Variants in CUX1 observed in about 807,000 individuals in gnomAD.
CUX1 encodes protein CASP.
CUX1 carries 31 observed loss-of-function variants against 158.8 expected under a neutral mutation model. The ratio of observed to expected loss-of-function variants is 0.20; its 90% CI spans 0.15 to 0.26. The LOEUF (loss-of-function observed/expected upper bound fraction) is 0.26, where lower values mean the gene tolerates loss of function less well. Ranked by LOEUF, CUX1 falls within the 10% of genes least tolerant of loss-of-function variation. CUX1 has a pLI of 1.00. For missense variants in CUX1, 1,589 were observed against 2,014.6 expected (o/e 0.79, Z 4.04); for synonymous variants, 879 against 862.1 (o/e 1.02, Z -0.34).
intron 1 of CUX1, among the ~76,000 whole-genome samples, chr7:101,835,836 A>G (rs1327464423): frequency 6.6e-6 from 1 of 152,164 alleles, no homozygotes; most frequent in Non-Finnish European, 1.5e-5. Context: ...CCCGGGTTCA[A>G]GCGATTCTCC....
At chr7:101,904,664 G>A (rs545467591) in intron 1 of CUX1, among the ~76,000 whole-genome samples, 1 of 151,488 alleles carries the variant, frequency 6.6e-6, no homozygotes, top group African/African-American at 2.4e-5. Context: ...TGCCTCCCGG[G>A]TTCAAGCGAT....
At chr7:101,980,165 C>A (rs940783095) in intron 2 of CUX1, among the ~76,000 whole-genome samples, 1 of 152,130 alleles carries the variant, frequency 6.6e-6, no homozygotes, top group African/African-American at 2.4e-5. Flanking sequence ...TTATTCTCAA[C>A]AGAGGGTCCC....
intron 8 of CUX1, among the ~76,000 whole-genome samples, chr7:102,132,332 G>C (rs1298871689): frequency 6.8e-6 from 1 of 146,306 alleles, no homozygotes; most frequent in Non-Finnish European, 1.5e-5. Flanking sequence ...CGCACGCCAC[G>C]CACACACGCA....
chr7:102,150,281 G>A (rs980717969), intron 8 of CUX1, among the ~76,000 whole-genome samples: 9 of 151,996 alleles, frequency 5.9e-5, no homozygotes, highest in South Asian at 2.1e-4. Context: ...TCAGCCTCCC[G>A]AGTAGCTGGG....
chr7:102,080,149 C>T (rs781916305), intron 4 of CUX1, among the ~76,000 whole-genome samples: 5 of 152,302 alleles, frequency 3.3e-5, no homozygotes, highest in Non-Finnish European at 5.9e-5. Flanking sequence ...CAAGGCTTTC[C>T]CTTCTCCATC....
intron 1 of CUX1, among the ~76,000 whole-genome samples, chr7:101,825,471 A>T (rs1423245077): frequency 2.6e-5 from 4 of 152,014 alleles, no homozygotes; most frequent in Non-Finnish European, 5.9e-5. Flanking sequence ...GCCCTTGGAG[A>T]GCTGTGCTGC....
chr7:102,262,257 A>G (rs1174812829), downstream of CUX1, among the ~76,000 whole-genome samples: 7 of 152,190 alleles, frequency 4.6e-5, no homozygotes, highest in African/African-American at 1.7e-4. Flanking sequence ...CAAAAAAATT[A>G]GCCAGGCGTG....
intron 2 of CUX1, among the ~76,000 whole-genome samples, chr7:102,015,671 G>A (rs1818502610): frequency 6.6e-6 from 1 of 152,200 alleles, no homozygotes; most frequent in South Asian, 2.1e-4. Flanking sequence ...TTGTTACCAT[G>A]TTGGGATCAG....
chr7:101,937,262 A>G (rs1807056980), intron 2 of CUX1, among the ~76,000 whole-genome samples: 1 of 152,136 alleles, frequency 6.6e-6, no homozygotes. Context: ...TAGCTCCTGG[A>G]GGGGCTCAGG....
At chr7:102,011,871 C>CT (rs1467982262) in intron 2 of CUX1, among the ~76,000 whole-genome samples, 1 of 152,008 alleles carries the variant, frequency 6.6e-6, no homozygotes, top group African/African-American at 2.4e-5. Context: ...GTCACCCAGG[C>CT]TGGAGTGCAA....
At chr7:102,193,954 T>C (rs1794537778) in intron 13 of CUX1, 64 bp downstream of exon 13, 46 of 1,472,772 alleles carry the variant, frequency 3.1e-5, no homozygotes, top group Non-Finnish European at 4.3e-5. Context: ...CACTGGTCCC[T>C]CCGGCATATC....
intron 1 of CUX1, among the ~76,000 whole-genome samples, chr7:101,909,747 G>GT (rs1803205279): frequency 6.6e-6 from 1 of 152,196 alleles, no homozygotes; most frequent in African/African-American, 2.4e-5. Context: ...GCCCAAGTAT[G>GT]TTTTTCCCAC....
At position 102,201,596 on chromosome 7, in the gene CUX1, C is replaced by A. The variant is rs1391571891; in HGVS notation, c.2299C>A (p.Pro767Thr). The stretch of plus-strand genomic sequence containing the variant: ...ACCTCTCGCCATCTCCCTGAAGAAG[C>A]CCTCCGCAGCTCCTGAGGCCGGTGC... Reference protein sequence around the residue: ...YPPLAISLKKPSAAPEAGASA... With the variant: ...YPPLAISLKKTSAAPEAGASA... The change falls in exon 18 of 24, where the codon CCC becomes ACC. Residue 767 changes from proline (P) to threonine (T), a missense_variant. Physicochemically the swap from Pro to Thr is conservative, Grantham distance 38. This residue lies in a region of CUX1 where 337 missense variants were observed against 409.3 expected (regional missense o/e 0.82). Transcript: ENST00000292535. This position sits in a 1 kb window ranked among gnomAD's most constrained non-coding sequence, Gnocchi z 5.0. 1 of 1,613,976 alleles carries A rather than the reference C, an allele frequency of 6.2e-7. No individual in the cohort carries two copies. The highest frequency in any genetic ancestry group is 8.5e-7 in the Non-Finnish European group (1 of 1,180,016).
chr7:102,079,774 A>G (rs538730215), intron 4 of CUX1, among the ~76,000 whole-genome samples: 1 of 152,316 alleles, frequency 6.6e-6, no homozygotes, highest in African/African-American at 2.4e-5. Flanking sequence ...AAAACAGGAC[A>G]GAAAGAGGAA....
At chr7:102,148,337 G>A (rs1023007342) in intron 8 of CUX1, among the ~76,000 whole-genome samples, 3 of 152,090 alleles carry the variant, frequency 2.0e-5, no homozygotes, top group Admixed American at 6.6e-5. Flanking sequence ...TCAAGAGTTC[G>A]AGATCAGCCT....
chr7:101,910,362 T>G (rs1384725462), intron 1 of CUX1, among the ~76,000 whole-genome samples: 2 of 151,852 alleles, frequency 1.3e-5, no homozygotes, highest in Non-Finnish European at 2.9e-5. Context: ...GGCAGGCTGG[T>G]CTCAAACTCC....
downstream of CUX1, among the ~76,000 whole-genome samples, chr7:102,259,776 A>C (rs2132727357): frequency 2.0e-5 from 3 of 150,494 alleles, 1 homozygote; most frequent in South Asian, 6.3e-4. Context: ...AGAGAAAGGA[A>C]GGAAGGAAAG....
At chr7:101,992,015 G>C (rs1479707856) in intron 2 of CUX1, among the ~76,000 whole-genome samples, 1 of 152,208 alleles carries the variant, frequency 6.6e-6, no homozygotes. Flanking sequence ...AACATAGTGA[G>C]ATTCCGTTTC....
chr7:102,004,492 T>G (rs1052255108), intron 2 of CUX1, among the ~76,000 whole-genome samples: 2 of 152,162 alleles, frequency 1.3e-5, no homozygotes, highest in African/African-American at 2.4e-5. Flanking sequence ...GAAAACAAAT[T>G]TGGCTGATAA....
Sources: allele counts gnomAD v4.1 joint callset (sites outside exome capture counted in the v4.1 genomes callset), GRCh38; gene constraint gnomAD v4.1.1; regional missense constraint gnomAD v4.1.1; non-coding constraint Gnocchi (gnomAD v3.1); transcripts MANE v1.5; gene names NCBI Gene and HGNC (gene_info 2026-07-23, HGNC 2026-07-21).